The following SPDYE12 variants were observed in gnomAD, a reference collection of about 807,000 sequenced individuals.
The protein encoded by SPDYE12 is speedy/RINGO cell cycle regulator family member E12, also known as speedy protein E12.
chr7:74,909,581 A>G, the SPDYE12 span: 3 of 1,554,078 alleles, frequency 1.9e-6, no homozygotes, highest in African/African-American at 4.1e-5. Context: ...CCCGGCTGAA[A>G]TACGCTATGA....
At chr7:74,910,092 G>A in the SPDYE12 span, among the ~76,000 whole-genome samples, 7 of 147,494 alleles carry the variant, frequency 4.7e-5, no homozygotes, top group East Asian at 2.0e-4. Context: ...AAGAATAGCC[G>A]GGAGTGGCAG....
At chr7:74,910,668 A>G in the SPDYE12 span, among the ~76,000 whole-genome samples, 1 of 151,454 alleles carries the variant, frequency 6.6e-6, no homozygotes, top group Non-Finnish European at 1.5e-5. Flanking sequence ...CAGCCTGGGC[A>G]ACAGAGCAAG....
chr7:74,910,461 G>A, the SPDYE12 span, among the ~76,000 whole-genome samples: 18 of 148,334 alleles, frequency 1.2e-4, 1 homozygote, highest in Admixed American at 1.2e-3. Flanking sequence ...AGGCCAAGGC[G>A]GGTGGATCAC....
the SPDYE12 span, among the ~76,000 whole-genome samples, chr7:74,909,039 T>G: frequency 8.2e-5 from 12 of 145,710 alleles, 1 homozygote; most frequent in East Asian, 2.0e-4. Context: ...CCTGGTTTTT[T>G]TTTTTTTTTT....
chr7:74,907,055 T>G, the SPDYE12 span: 1 of 1,561,532 alleles, frequency 6.4e-7, no homozygotes, highest in Middle Eastern at 1.7e-4. Context: ...ATGTTTTGTT[T>G]GGGGGCCTCA....
At chr7:74,910,061 CT>C in the SPDYE12 span, among the ~76,000 whole-genome samples, 3 of 149,632 alleles carry the variant, frequency 2.0e-5, no homozygotes, top group Admixed American at 1.4e-4. Flanking sequence ...GACGGAGATG[CT>C]GACAAATCAT....
chr7:74,904,796 TTAAA>T, the SPDYE12 span, among the ~76,000 whole-genome samples: 2,822 of 149,146 alleles, frequency 0.019, 68 homozygotes, highest in Middle Eastern at 0.046. Context: ...ATAATAATAT[TTAAA>T]TAAATAAACA....
chr7:74,904,598 G>A, the SPDYE12 span, among the ~76,000 whole-genome samples: 19 of 151,556 alleles, frequency 1.3e-4, 1 homozygote, highest in Middle Eastern at 3.4e-3. Context: ...TCAGCAGCAC[G>A]TGTAATAATA....
At chr7:74,909,542 G>A in the SPDYE12 span, 13 of 1,579,048 alleles carry the variant, frequency 8.2e-6, no homozygotes, top group African/African-American at 1.3e-5. Context: ...AGAAATGAAT[G>A]CGTTGGTATT....
chr7:74,908,661 CTTTTTTTTTTTTTTTTT>C, the SPDYE12 span, among the ~76,000 whole-genome samples: 1 of 58,598 alleles, frequency 1.7e-5, no homozygotes, highest in African/African-American at 7.4e-5. Flanking sequence ...GTTTTTTGTT[CTTTTTTTTTTTTTTTTT>C]TTTTTTTTTT....
chr7:74,906,221 T>C, the SPDYE12 span, among the ~76,000 whole-genome samples: 1 of 142,932 alleles, frequency 7.0e-6, no homozygotes, highest in African/African-American at 3.0e-5. Context: ...TCATGCTCTG[T>C]GCTCAACATG....
chr7:74,910,414 GAC>G, the SPDYE12 span, among the ~76,000 whole-genome samples: 3 of 150,222 alleles, frequency 2.0e-5, no homozygotes, highest in Admixed American at 2.0e-4. Flanking sequence ...GAGCTGGTCA[GAC>G]ACAGTGCTGA....
chr7:74,909,857 G>C, the SPDYE12 span, among the ~76,000 whole-genome samples: 1 of 147,890 alleles, frequency 6.8e-6, no homozygotes, highest in Non-Finnish European at 1.5e-5. Context: ...ATCTTTGGAG[G>C]GGGTGTGTCT....
the SPDYE12 span, among the ~76,000 whole-genome samples, chr7:74,909,120 C>T: frequency 2.8e-5 from 4 of 141,402 alleles, no homozygotes; most frequent in African/African-American, 1.1e-4. Context: ...GTGGCTCAAC[C>T]TTAGCATACT....
At chr7:74,904,573 A>T in the SPDYE12 span, among the ~76,000 whole-genome samples, 1 of 151,660 alleles carries the variant, frequency 6.6e-6, no homozygotes, top group Non-Finnish European at 1.5e-5. Context: ...TCATAGATAA[A>T]AACCATGCTC....
At chr7:74,909,626 C>T in the SPDYE12 span, 4 of 1,426,780 alleles carry the variant, frequency 2.8e-6, 1 homozygote, top group East Asian at 4.6e-5. Flanking sequence ...GAGAAAGGAA[C>T]ACAGAGAGGG....
At chr7:74,911,032 A>G in the SPDYE12 span, 1 of 658,472 alleles carries the variant, frequency 1.5e-6, no homozygotes, top group South Asian at 1.6e-5. Context: ...GGGAGAGGGG[A>G]GAATGACTTT....
chr7:74,909,124 G>A, the SPDYE12 span, among the ~76,000 whole-genome samples: 6 of 129,092 alleles, frequency 4.6e-5, no homozygotes, highest in Admixed American at 1.9e-4. Flanking sequence ...CTCAACCTTA[G>A]CATACTGCAA....
At chr7:74,910,805 C>T in the SPDYE12 span, 2 of 1,196,416 alleles carry the variant, frequency 1.7e-6, no homozygotes, top group Non-Finnish European at 2.5e-6. Context: ...TGCGTTAGAA[C>T]AGGAACACAG....
Sources: gnomAD v4.1 joint callset for allele counts (sites outside exome capture counted in the v4.1 genomes callset) on GRCh38, gnomAD v4.1.1 for gene constraint, MANE v1.5 for transcripts, NCBI Gene and HGNC (gene_info 2026-07-23, HGNC 2026-07-21) for gene names.